The following ZNF534 variants were observed in gnomAD, a reference collection of about 807,000 sequenced individuals.
ZNF534 encodes KRAB domain only 3.
In ZNF534, 19 loss-of-function variants were observed where a neutral mutation model predicts 13.6. That is an observed-to-expected ratio of 1.40 (90% confidence interval 0.97 to 2.05). The LOEUF is 2.05. Ranked by LOEUF, ZNF534 falls within the 30% of genes most tolerant of loss-of-function variation. The probability of loss-of-function intolerance (pLI) is 0.00; values close to 1 mark genes in which losing one functional copy is unlikely to be tolerated. For missense variants in ZNF534, 782 were observed against 796.3 expected (o/e 0.98, Z 0.22); for synonymous variants, 244 against 273.8 (o/e 0.89, Z 1.07).
chr19:52,450,741 C>T (rs1232710878), intron 4 of ZNF534, among the ~76,000 whole-genome samples: 1 of 124,642 alleles, frequency 8.0e-6, no homozygotes, highest in Non-Finnish European at 1.6e-5. Flanking sequence ...GGTTGGAGTG[C>T]AGTAGTGCGA....
In ZNF534 at chr19:52,440,060, CTCTT is replaced by C. The variant is rs5828507; in HGVS notation, c.*620_*623del. 0.91 allele frequency among the ~76,000 whole-genome samples: 138,182 copies of C among 152,004 alleles called. 63,213 individuals carry two copies. The highest frequency in any genetic ancestry group is 0.96 in the Non-Finnish European group (65,548 of 67,994). ...TCCAGCTTGGGCAAGAGGAGCAAAA[CTCTT>C]TCTTTAAAAACAAAACAAAAAAAGT... On this transcript the variant is annotated 3_prime_UTR_variant, in exon 5 of 5. Coordinates refer to ENST00000433050, the MANE Select transcript of ZNF534 (RefSeq NM_001143938.3).
chr19:52,434,233 C>A, intron 3 of ZNF534, 152 bp downstream of exon 3: 2 of 1,166,850 alleles, frequency 1.7e-6, no homozygotes, highest in Non-Finnish European at 2.4e-6. Context: ...CAGTGGCTCA[C>A]GCCTGTAATC....
rs192499692 is a variant in ZNF534 at position 52,434,211 on chromosome 19, G to C, written c.142+130G>C. 613 of 1,410,378 alleles carry C rather than the reference G, an allele frequency of 4.3e-4. 1 individual carries two copies. Among genetic ancestry groups the C allele is most frequent in the Non-Finnish European group, 5.1e-4 (533 of 1,050,462 alleles). The allele number at this position is 1,410,378 out of a possible 1,614,324, so 87.4% of individuals were successfully genotyped here. A position where few individuals can be genotyped will look rare whatever the true frequency, so the allele number is the denominator to read the frequency against. On this transcript the variant is annotated intron_variant, in intron 3 of 4. Coordinates refer to ENST00000433050, the MANE Select transcript of ZNF534 (RefSeq NM_001143938.3). ...AAACCTGTTGACTAAGAAATGAAAA[G>C]CAGGCCAGGCGCAGTGGCTCACGCC...
intron 4 of ZNF534, among the ~76,000 whole-genome samples, chr19:52,449,880 C>A (rs1007273722): frequency 1.3e-5 from 2 of 151,926 alleles, no homozygotes; most frequent in African/African-American, 4.8e-5. Context: ...GTTAGCCAGG[C>A]GTGGTGGTGT....
intron 3 of ZNF534, among the ~76,000 whole-genome samples, chr19:52,434,730 CA>C (rs772851558): frequency 1.3e-4 from 9 of 70,026 alleles, no homozygotes; most frequent in South Asian, 8.7e-4. Flanking sequence ...GACTCTGTCT[CA>C]AAAAAAAAAA....
chr19:52,441,419 G>T lies in ZNF534; in HGVS notation c.*1973G>T, dbSNP rs1367562055. Among the ~76,000 whole-genome samples, 1 of 152,178 alleles carries T rather than the reference G, an allele frequency of 6.6e-6. No homozygotes were observed. The highest frequency in any genetic ancestry group is 1.5e-5 in the Non-Finnish European group (1 of 68,030). Reference sequence around the variant, plus strand: ...ATTCCCAGCTACTTGGGAGGCTGAGGCAGAAGGATCATTTGAGCCTAGGAG... The same window carrying T: ...ATTCCCAGCTACTTGGGAGGCTGAGTCAGAAGGATCATTTGAGCCTAGGAG... On this transcript the variant is annotated 3_prime_UTR_variant, in exon 5 of 5. Transcript: ENST00000433050.
At chr19:52,430,134 G>A (rs2059077673) in intron 1 of ZNF534, among the ~76,000 whole-genome samples, 1 of 151,744 alleles carries the variant, frequency 6.6e-6, no homozygotes, top group Admixed American at 6.6e-5. Flanking sequence ...TCCTGCCTCA[G>A]TCTCCCGAGT....
At chr19:52,451,446 C>G in exon 5 of ZNF534, 1 of 618,632 alleles carries the variant, frequency 1.6e-6, no homozygotes, top group South Asian at 1.9e-5. Context: ...CGCCGCACGC[C>G]CCGGACGCTG....
chr19:52,446,880 G>T (rs1261058379), downstream of ZNF534, among the ~76,000 whole-genome samples: 1 of 152,120 alleles, frequency 6.6e-6, no homozygotes, highest in Non-Finnish European at 1.5e-5. Context: ...ACAATTTATT[G>T]TCTTATAGTT....
rs1301523537 is a variant in ZNF534, at chr19:52,438,237, A to C, written c.777A>C (p.Gln259His). The change falls in exon 5 of 5, where the codon CAA becomes CAC. Residue 259 changes from glutamine (Q) to histidine (H), a missense_variant. Around this residue, in one of 5 missense-constraint regions of ZNF534, gnomAD observed 591 missense variants for 574.0 expected, o/e 1.03. Transcript: ENST00000433050. ...KVFNQNSHLAQHQKIHTGQKP... is the reference protein window; with the variant it reads ...KVFNQNSHLAHHQKIHTGQKP... ...TCAATCAGAATTCACACCTTGCACA[A>C]CATCAGAAAATTCATACTGGACAGA... 1.2e-6 allele frequency: 2 copies of C among 1,613,890 alleles called. No individual in the cohort carries two copies.
intron 2 of ZNF534, among the ~76,000 whole-genome samples, chr19:52,431,743 T>G (rs2059088731): frequency 6.6e-6 from 1 of 151,856 alleles, no homozygotes; most frequent in Non-Finnish European, 1.5e-5. Flanking sequence ...GGAGATGGGG[T>G]GTGGGCCTTG....
At chr19:52,445,090 A>G (rs117656118), downstream of ZNF534, among the ~76,000 whole-genome samples, 26 of 152,268 alleles carry the variant, frequency 1.7e-4, 1 homozygote, top group East Asian at 5.0e-3. Context: ...GCCTTTTCCC[A>G]GTGCCTCTTG....
Position 52,440,481 on chromosome 19 carries a change from CAAAT to C in ZNF534, c.*1038_*1041del, listed in dbSNP as rs1331756194. Among the ~76,000 whole-genome samples the C allele has an allele frequency of 6.6e-6, 1 of 152,096 alleles. No homozygotes were observed. The highest frequency in any genetic ancestry group is 1.5e-5 in the Non-Finnish European group (1 of 68,006). Reference sequence around the variant, plus strand: ...AAGTCACAATTCACATCTTGCACATCAAATAATTCATACTGGAGGCTGGGTGCGG... The same window carrying C: ...AAGTCACAATTCACATCTTGCACATCAATTCATACTGGAGGCTGGGTGCGG... On this transcript the variant is annotated 3_prime_UTR_variant, in exon 5 of 5. Transcript: ENST00000433050.
At position 52,439,429 on chromosome 19, in the gene ZNF534, A is replaced by T. The variant is rs1440074370; in HGVS notation, c.1969A>T (p.Thr657Ser). Residue 657 changes from threonine to serine, a missense_variant, in exon 5 of 5, where the codon ACC becomes TCC. Coordinates refer to ENST00000433050, the MANE Select transcript of ZNF534 (RefSeq NM_001143938.3). ...CCTAGTACAACATTGCAGTATTCAT[A>T]CCAGAGAGAAGCCTTAAAAATTTAG... ...SILVQHCSIH[T>S]REKP 6.6e-7 allele frequency: 1 copy of T among 1,523,240 alleles called. No individual in the cohort carries two copies. The highest frequency in any genetic ancestry group is 2.5e-5 in the East Asian group (1 of 40,664). The allele number at this position is 1,523,240 out of a possible 1,614,324, so 94.4% of individuals were successfully genotyped here. A position where few individuals can be genotyped will look rare whatever the true frequency, so the allele number is the denominator to read the frequency against.
At chr19:52,430,204 C>G (rs1187653373) in intron 1 of ZNF534, among the ~76,000 whole-genome samples, 1 of 149,758 alleles carries the variant, frequency 6.7e-6, no homozygotes, top group Non-Finnish European at 1.5e-5. Flanking sequence ...TTAGTACAGA[C>G]AGGGTTTGAC....
Position 52,451,603 on chromosome 19 carries a change from T to C in ZNF534, c.*106T>C, listed in dbSNP as rs2059217084. 4.7e-6 allele frequency: 3 copies of C among 639,144 alleles called. No homozygotes were observed. In the South Asian group the frequency reaches 5.8e-5, roughly 12 times the overall value. 39.6% of individuals were successfully genotyped at this position (639,144 alleles called of 1,614,324 possible). On this transcript the variant is annotated 3_prime_UTR_variant, in exon 5 of 5. Coordinates refer to the ZNF534 transcript ENST00000301085. ...GGCACGCGGGCTACGATCTGTACAG[T>C]GCCTGTGATTACACACCACCACCTA...
rs1473215529 is a variant in ZNF534 at position 52,438,309 on chromosome 19, C to T, written c.849C>T (p.Ala283=). Residue 283 remains alanine, a synonymous_variant, in exon 5 of 5, where the codon GCC becomes GCT. Transcript: ENST00000433050. ...KECGKVFSHH[A]YLAQHRKIHT... is the part of the protein sequence containing the mutation. ...GTGGGAAAGTCTTTAGTCACCATGC[C>T]TACCTTGCACAGCATAGGAAAATTC... 2 of 1,605,886 alleles carry T rather than the reference C, an allele frequency of 1.2e-6. No individual in the cohort carries two copies. Among genetic ancestry groups the T allele is most frequent in the Non-Finnish European group, 1.7e-6 (2 of 1,173,852 alleles).
At position 52,429,979 on chromosome 19, in the gene ZNF534, C is replaced by G. The variant is rs143865503; in HGVS notation, c.-68+735C>G. ...CCTTTTTTTTTTCCCTTAACAATGC[C>G]CTCCAGGCACATGAGTATTGATTGA... is the stretch of plus-strand genomic sequence containing the variant. On this transcript the variant is annotated intron_variant, in intron 1 of 4. Transcript: ENST00000433050. Among the ~76,000 whole-genome samples, 26 of 151,858 alleles carry G rather than the reference C, an allele frequency of 1.7e-4. No individual in the cohort carries two copies. The East Asian group carries it at 4.9e-3, about 28-fold the overall frequency.
chr19:52,447,667 G>A (rs368026330), intron 4 of ZNF534, among the ~76,000 whole-genome samples: 1 of 152,050 alleles, frequency 6.6e-6, no homozygotes, highest in South Asian at 2.1e-4. Context: ...TGTTAATATC[G>A]TGGATTACAT....
Sources: allele counts gnomAD v4.1 joint callset (sites outside exome capture counted in the v4.1 genomes callset), GRCh38; gene constraint gnomAD v4.1.1; regional missense constraint gnomAD v4.1.1; transcripts MANE v1.5; gene names NCBI Gene and HGNC (gene_info 2026-07-23, HGNC 2026-07-21).